Variants in KCNH1 observed in about 807,000 individuals in gnomAD.
KCNH1 encodes potassium voltage-gated channel subfamily H member 1.
KCNH1 carries 27 observed loss-of-function variants against 69.2 expected under a neutral mutation model. The ratio of observed to expected loss-of-function variants is 0.39; its 90% CI spans 0.29 to 0.54. The LOEUF (loss-of-function observed/expected upper bound fraction) is 0.54, where lower values mean the gene tolerates loss of function less well. Among genes scored for constraint, KCNH1 ranks in the 20% least tolerant of loss-of-function variants. The pLI, the probability that KCNH1 is intolerant of heterozygous loss-of-function variation, is 0.68. For synonymous variants in KCNH1, 456 were observed against 487.7 expected, an observed-to-expected ratio of 0.93 and a Z score of 0.86; for missense variants, 798 against 1,261.6, an observed-to-expected ratio of 0.63 and a Z score of 5.57.
At chr1:210,819,605 A>G (rs200242102) in intron 7 of KCNH1, among the ~76,000 whole-genome samples, 7 of 134,752 alleles carry the variant, frequency 5.2e-5, no homozygotes, top group Non-Finnish European at 1.1e-4. Flanking sequence ...AAAGTTTAGG[A>G]AAAAAAAAAC....
chr1:210,711,866 C>T (rs1259001697), intron 10 of KCNH1, among the ~76,000 whole-genome samples: 1 of 152,184 alleles, frequency 6.6e-6, no homozygotes, highest in African/African-American at 2.4e-5. Context: ...CAGTGGGGAA[C>T]TTGTGGCTCT....
intron 5 of KCNH1, among the ~76,000 whole-genome samples, chr1:211,035,585 A>G (rs1013613182): frequency 1.3e-5 from 2 of 152,174 alleles, no homozygotes; most frequent in African/African-American, 4.8e-5. Context: ...AATGTGAGAC[A>G]TTCTCTTTCC....
intron 8 of KCNH1, 44 bp from the exon 9 acceptor site, chr1:210,797,804 GCCTTCAGCCCACAT>G (rs746506919): frequency 6.3e-7 from 1 of 1,581,748 alleles, no homozygotes; most frequent in East Asian, 2.3e-5. Context: ...CCTCACTGTG[GCCTTCAGCCCACAT>G]CCTTCAGCAC....
chr1:210,881,659 T>C (rs1036285261), intron 7 of KCNH1, among the ~76,000 whole-genome samples: 6 of 152,158 alleles, frequency 3.9e-5, no homozygotes, highest in Non-Finnish European at 2.9e-5. Flanking sequence ...GATGAATGGA[T>C]AAACTATCGT....
intron 7 of KCNH1, among the ~76,000 whole-genome samples, chr1:210,917,229 G>GAGAGAGAAAGAAAGAA (rs1430374011): frequency 1.3e-4 from 10 of 78,870 alleles, no homozygotes; most frequent in South Asian, 1.0e-3. Flanking sequence ...GAGAGAGAGA[G>GAGAGAGAAAGAAAGAA]AGAAAGAAAG....
intron 5 of KCNH1, among the ~76,000 whole-genome samples, chr1:211,069,067 T>C (rs1002946475): frequency 3.3e-5 from 5 of 152,232 alleles, no homozygotes; most frequent in African/African-American, 1.2e-4. Context: ...CAGAGCATTC[T>C]GTTCTTAACA....
intron 6 of KCNH1, among the ~76,000 whole-genome samples, chr1:210,948,767 G>T (rs1688008740): frequency 6.6e-6 from 1 of 151,330 alleles, no homozygotes; most frequent in Non-Finnish European, 1.5e-5. Flanking sequence ...CAGGAGGCAT[G>T]CAGTGAGCCG....
At chr1:210,843,457 A>G (rs1685468693) in intron 7 of KCNH1, among the ~76,000 whole-genome samples, 1 of 152,170 alleles carries the variant, frequency 6.6e-6, no homozygotes, top group South Asian at 2.1e-4. Flanking sequence ...TTCTGGCTGA[A>G]TGCTGATCTT....
chr1:210,947,939 G>A (rs1687989968), intron 6 of KCNH1, among the ~76,000 whole-genome samples: 1 of 151,910 alleles, frequency 6.6e-6, no homozygotes, highest in African/African-American at 2.4e-5. Flanking sequence ...CTCCATGGTG[G>A]CTGATGCCTG....
chr1:210,715,145 C>A (rs954032869), intron 10 of KCNH1, among the ~76,000 whole-genome samples: 1 of 152,204 alleles, frequency 6.6e-6, no homozygotes, highest in Admixed American at 6.5e-5. Context: ...GGAATAGAAA[C>A]CCCCAGCTAT....
intron 6 of KCNH1, among the ~76,000 whole-genome samples, chr1:211,010,012 A>G (rs1481635143): frequency 2.0e-5 from 3 of 152,334 alleles, no homozygotes; most frequent in Admixed American, 2.0e-4. Context: ...AGGAGAAGCT[A>G]TGAAGGTTTG....
At chr1:210,788,157 A>G (rs548998711) in intron 9 of KCNH1, among the ~76,000 whole-genome samples, 48 of 152,372 alleles carry the variant, frequency 3.2e-4, no homozygotes, top group African/African-American at 1.1e-3. Flanking sequence ...ATAAAAGAAT[A>G]TAAGTGCGTT....
intron 10 of KCNH1, among the ~76,000 whole-genome samples, chr1:210,736,378 A>G (rs1423219538): frequency 6.6e-6 from 1 of 152,168 alleles, no homozygotes; most frequent in Non-Finnish European, 1.5e-5. Context: ...GAGAAACCCC[A>G]TCTCTACTAA....
chr1:211,012,668 A>G (rs1322366322), intron 6 of KCNH1, among the ~76,000 whole-genome samples: 3 of 152,294 alleles, frequency 2.0e-5, no homozygotes, highest in African/African-American at 7.2e-5. Flanking sequence ...AGGCACTGAA[A>G]CTTCTCTATA....
chr1:210,736,847 T>G (rs1682892612), intron 10 of KCNH1, among the ~76,000 whole-genome samples: 1 of 152,140 alleles, frequency 6.6e-6, no homozygotes, highest in Non-Finnish European at 1.5e-5. Flanking sequence ...ACCTCTTTTT[T>G]GGGTTTTCTG....
chr1:211,047,293 A>G (rs558817763), intron 5 of KCNH1, among the ~76,000 whole-genome samples: 2 of 152,352 alleles, frequency 1.3e-5, no homozygotes, highest in African/African-American at 2.4e-5. Flanking sequence ...TTGGTCTCAG[A>G]CATAGATTTG....
At chr1:210,991,189 A>T (rs1210393061) in intron 6 of KCNH1, among the ~76,000 whole-genome samples, 1 of 152,226 alleles carries the variant, frequency 6.6e-6, no homozygotes, top group African/African-American at 2.4e-5. Context: ...ACAATAGGCA[A>T]GATATGGAAT....
chr1:210,984,196 A>C (rs1470996277), intron 6 of KCNH1, among the ~76,000 whole-genome samples: 1 of 152,164 alleles, frequency 6.6e-6, no homozygotes, highest in East Asian at 1.9e-4. Flanking sequence ...GGTTTTCTAG[A>C]TATACAATCA....
At chr1:210,836,435 A>C (rs1436023992) in intron 7 of KCNH1, among the ~76,000 whole-genome samples, 1 of 152,216 alleles carries the variant, frequency 6.6e-6, no homozygotes, top group Admixed American at 6.5e-5. Context: ...ATGCTGATGC[A>C]CTTTGGCAGA....
Sources: allele counts gnomAD v4.1 joint callset (sites outside exome capture counted in the v4.1 genomes callset), GRCh38; gene constraint gnomAD v4.1.1; transcripts MANE v1.5; gene names NCBI Gene and HGNC (gene_info 2026-07-23, HGNC 2026-07-21).